EPB41L3: variants seen among roughly 807,000 people sequenced by gnomAD.
EPB41L3 encodes band 4.1-like protein 3.
EPB41L3 carries 57 observed loss-of-function variants against 127.1 expected under a neutral mutation model. That is an observed-to-expected ratio of 0.45 (90% CI 0.36 to 0.56). The LOEUF (loss-of-function observed/expected upper bound fraction) is 0.56, where lower values mean the gene tolerates loss of function less well. Ranked by LOEUF, EPB41L3 falls within the 20% of genes least tolerant of loss-of-function variation. EPB41L3 has a pLI of 0.00. For synonymous variants in EPB41L3, 572 were observed against 549.5 expected (o/e 1.04, Z -0.57); for missense variants, 1,273 against 1,372.2 (o/e 0.93, Z 1.14).
chr18:5,410,817 C>G (rs556235394), intron 13 of EPB41L3, among the ~76,000 whole-genome samples, 198 bp from the exon 14 acceptor site: 4 of 152,124 alleles, frequency 2.6e-5, no homozygotes, highest in Admixed American at 6.5e-5. Flanking sequence ...ATCAACAGAG[C>G]CAACTCATAG....
intron 1 of EPB41L3, among the ~76,000 whole-genome samples, chr18:5,506,958 G>C (rs1343918188): frequency 6.6e-6 from 1 of 152,150 alleles, no homozygotes; most frequent in Admixed American, 6.5e-5. Context: ...TTTTTTATAA[G>C]GACAGTCCAA....
chr18:5,396,487 A>G (rs2073496190), intron 18 of EPB41L3, among the ~76,000 whole-genome samples, 155 bp from the exon 19 acceptor site: 1 of 150,826 alleles, frequency 6.6e-6, no homozygotes, highest in African/African-American at 2.5e-5. Context: ...CAACATGCAC[A>G]TGTCAGTCTC....
intron 5 of EPB41L3, among the ~76,000 whole-genome samples, chr18:5,441,559 G>T (rs964998608): frequency 6.6e-6 from 1 of 150,580 alleles, no homozygotes; most frequent in African/African-American, 2.5e-5. Flanking sequence ...TCCGCCTCCC[G>T]GGTTCACGCC....
rs201452741 is a variant in EPB41L3 at position 5,440,755 on chromosome 18, TA to T, written c.530-2646del. Among the ~76,000 whole-genome samples, 144 of 152,332 alleles carry T rather than the reference TA, an allele frequency of 9.5e-4. 3 individuals are homozygous for T. In the East Asian group the frequency reaches 0.026, roughly 27 times the overall value. ...AAAGTGCGATATATGCTCTATGTCATAAAATTACTGTATCATAAACATACTT... is the reference window on the plus strand; with the variant it reads ...AAAGTGCGATATATGCTCTATGTCATAAATTACTGTATCATAAACATACTT... On this transcript the variant is annotated intron_variant, in intron 5 of 22. Transcript: ENST00000341928.
chr18:5,477,146 A>G (rs539625908), intron 3 of EPB41L3, among the ~76,000 whole-genome samples: 21 of 151,638 alleles, frequency 1.4e-4, no homozygotes, highest in Admixed American at 2.6e-4. Flanking sequence ...CACTGGGTGC[A>G]TGAGCACATT....
rs559398971 is a variant in EPB41L3 at position 5,520,265 on chromosome 18, C to T, written c.-12+23648G>A. On this transcript the variant is annotated intron_variant, in intron 1 of 22. Coordinates refer to ENST00000341928, the MANE Select transcript of EPB41L3 (RefSeq NM_012307.5). ...CTAGAAGAGACAATCAAGCTGCCTG[C>T]TTCATTTTAGAGAAGGGACCAGAGC... is the stretch of plus-strand genomic sequence containing the variant. Among the ~76,000 whole-genome samples the T allele has an allele frequency of 7.2e-5, 11 of 152,254 alleles. No homozygotes were observed. In the East Asian group the frequency reaches 2.1e-3, roughly 29 times the overall value.
At chr18:5,523,873 T>TA (rs916288892) in intron 1 of EPB41L3, among the ~76,000 whole-genome samples, 6 of 151,758 alleles carry the variant, frequency 4.0e-5, no homozygotes, top group South Asian at 2.1e-4. Flanking sequence ...AAACCTTTTT[T>TA]AAAAAAAAAT....
At chr18:5,630,398 T>C (rs763498141), upstream of EPB41L3, 6 of 518,568 alleles carry the variant, frequency 1.2e-5, no homozygotes, top group African/African-American at 1.9e-5. Flanking sequence ...AAGCCTTCCT[T>C]TGGGGCCCCT....
At chr18:5,457,673 T>A (rs1266047545) in intron 3 of EPB41L3, among the ~76,000 whole-genome samples, 2 of 152,166 alleles carry the variant, frequency 1.3e-5, no homozygotes, top group African/African-American at 4.8e-5. Context: ...GGAAAGACCC[T>A]GCAGGGGCCT....
chr18:5,512,169 G>A (rs2092558635), intron 1 of EPB41L3, among the ~76,000 whole-genome samples: 1 of 152,120 alleles, frequency 6.6e-6, no homozygotes, highest in African/African-American at 2.4e-5. Flanking sequence ...AAAAGACATG[G>A]ATATAAATTC....
chr18:5,617,713 C>T (rs115083325), intron 1 of EPB41L3, among the ~76,000 whole-genome samples: 77 of 152,270 alleles, frequency 5.1e-4, no homozygotes, highest in African/African-American at 1.5e-3. Context: ...CACTAATTTC[C>T]TATCTATTAC....
intron 1 of EPB41L3, among the ~76,000 whole-genome samples, chr18:5,622,897 G>C (rs1341266409): frequency 7.9e-6 from 1 of 126,518 alleles, no homozygotes; most frequent in East Asian, 2.5e-4. Context: ...TTCCATGTTT[G>C]TTTTTATACT....
intron 2 of EPB41L3, among the ~76,000 whole-genome samples, chr18:5,481,456 G>A (rs552855396): frequency 9.2e-5 from 14 of 152,226 alleles, no homozygotes; most frequent in African/African-American, 2.4e-4. Flanking sequence ...CCCCCAACTC[G>A]TAGAAAAATG....
chr18:5,582,146 G>C (rs1298698243), intron 3 of EPB41L3, among the ~76,000 whole-genome samples: 1 of 152,202 alleles, frequency 6.6e-6, no homozygotes, highest in Non-Finnish European at 1.5e-5. Flanking sequence ...AGTAGATTTA[G>C]AATTCAAAGA....
Position 5,397,871 on chromosome 18 carries a change from A to G in EPB41L3, c.2472+150T>C, listed in dbSNP as rs746184715. The G allele has an allele frequency of 2.3e-6, 2 of 863,366 alleles. No homozygotes were observed. The highest frequency in any genetic ancestry group is 3.7e-6 in the Non-Finnish European group (2 of 543,582). The allele number at this position is 863,366 out of a possible 1,614,324, so 53.5% of individuals were successfully genotyped here. ...ACTAAAGGCATGTGACAGATATGCC[A>G]AGCAGACACAAAGGACAATAAGTGA... On this transcript the variant is annotated intron_variant, in intron 17 of 22. Transcript: ENST00000341928. This position sits in a 1 kb window ranked among gnomAD's most constrained non-coding sequence, Gnocchi z 4.1.
intron 3 of EPB41L3, among the ~76,000 whole-genome samples, chr18:5,578,180 C>G (rs1196804120): frequency 6.6e-6 from 1 of 152,120 alleles, no homozygotes; most frequent in Non-Finnish European, 1.5e-5. Context: ...ATGCTGTATG[C>G]CAGCACTTAC....
chr18:5,423,862 A>C (rs1001913077), intron 10 of EPB41L3, among the ~76,000 whole-genome samples: 16 of 152,200 alleles, frequency 1.1e-4, no homozygotes, highest in African/African-American at 3.4e-4. Context: ...AGTGAAGAAG[A>C]AGAGTGACAA....
intron 3 of EPB41L3, among the ~76,000 whole-genome samples, chr18:5,549,728 A>T (rs1054763759): frequency 6.6e-6 from 1 of 152,182 alleles, no homozygotes; most frequent in Non-Finnish European, 1.5e-5. Flanking sequence ...CAAGTTCCCC[A>T]GGTGATTATA....
At chr18:5,530,998 C>T (rs2148928600) in intron 1 of EPB41L3, among the ~76,000 whole-genome samples, 1 of 152,326 alleles carries the variant, frequency 6.6e-6, no homozygotes, top group South Asian at 2.1e-4. Flanking sequence ...CAGAGCAGAG[C>T]ATTAAGGAAA....
Sources: gnomAD v4.1 joint callset for allele counts (sites outside exome capture counted in the v4.1 genomes callset) on GRCh38, gnomAD v4.1.1 for gene constraint, Gnocchi (gnomAD v3.1) non-coding constraint, MANE v1.5 for transcripts, NCBI Gene and HGNC (gene_info 2026-07-23, HGNC 2026-07-21) for gene names.